CDC14A: variants seen among roughly 807,000 people sequenced by gnomAD.
CDC14A encodes the protein cell division cycle 14A.
Under a neutral mutation model 74.4 loss-of-function variants are expected in CDC14A, and 53 were observed. That is an observed-to-expected ratio of 0.71 (90% CI 0.57 to 0.89). CDC14A has a LOEUF of 0.89. Among genes scored for constraint, CDC14A ranks in the 40% least tolerant of loss-of-function variants. The pLI, the probability that CDC14A is intolerant of heterozygous loss-of-function variation, is 0.00. For synonymous variants in CDC14A, 247 were observed against 258.4 expected (o/e 0.96, Z 0.43); for missense variants, 646 against 713.7 (o/e 0.91, Z 1.08).
At chr1:100,450,640 G>C (rs1352720554) in intron 7 of CDC14A, among the ~76,000 whole-genome samples, 1 of 152,120 alleles carries the variant, frequency 6.6e-6, no homozygotes, top group African/African-American at 2.4e-5. Flanking sequence ...CCTGGCCACC[G>C]CAACTGCAAA....
chr1:100,462,892 G>A lies in CDC14A; in HGVS notation c.838+11G>A. The A allele has an allele frequency of 1.2e-6, 2 of 1,602,010 alleles. No individual in the cohort carries two copies. Among genetic ancestry groups the A allele is most frequent in the Non-Finnish European group, 1.7e-6 (2 of 1,169,200 alleles). On this transcript the variant is annotated intron_variant, in intron 9 of 15. Coordinates refer to ENST00000336454, the MANE Select transcript of CDC14A (RefSeq NM_003672.4). ...CCGTTCACTGCAAAGGTGTGTGCAAGGCCTCGGTGGTGGTGGCTGTGCTTA... is the reference window on the plus strand; with the variant it reads ...CCGTTCACTGCAAAGGTGTGTGCAAAGCCTCGGTGGTGGTGGCTGTGCTTA...
At chr1:100,497,122 A>G (rs573165237) in intron 13 of CDC14A, among the ~76,000 whole-genome samples, 14 of 152,352 alleles carry the variant, frequency 9.2e-5, no homozygotes, top group African/African-American at 3.1e-4. Flanking sequence ...ATGATTTACT[A>G]TGAGAATATA....
intron 4 of CDC14A, among the ~76,000 whole-genome samples, chr1:100,411,633 C>G (rs558548904): frequency 3.9e-5 from 6 of 152,144 alleles, no homozygotes; most frequent in Non-Finnish European, 8.8e-5. Context: ...CTAATAAAAA[C>G]TCTTTCTTCA....
chr1:100,420,061 C>CATATATATATATATATATAT (rs1377818349), intron 4 of CDC14A, among the ~76,000 whole-genome samples: 32 of 61,770 alleles, frequency 5.2e-4, no homozygotes, highest in Admixed American at 1.1e-3. Context: ...CACACACACA[C>CATATATATATATATATATAT]ACATATATAT....
At chr1:100,453,526 T>C (rs746013355) in intron 7 of CDC14A, among the ~76,000 whole-genome samples, 1 of 152,246 alleles carries the variant, frequency 6.6e-6, no homozygotes, top group Non-Finnish European at 1.5e-5. Context: ...TTAATTGCCA[T>C]AATTAGATTC....
intron 4 of CDC14A, among the ~76,000 whole-genome samples, chr1:100,407,661 A>G (rs1477297983): frequency 6.6e-6 from 1 of 152,004 alleles, no homozygotes; most frequent in East Asian, 1.9e-4. Context: ...AGATAATTTG[A>G]CTTCTTCTCT....
intron 4 of CDC14A, chr1:100,393,093 G>T: frequency 3.5e-6 from 5 of 1,441,824 alleles, no homozygotes; most frequent in Non-Finnish European, 4.9e-6. Flanking sequence ...TAATTTGATA[G>T]ATTTCATTTT....
intron 5 of CDC14A, among the ~76,000 whole-genome samples, chr1:100,427,648 G>A (rs964804416): frequency 2.0e-5 from 3 of 152,074 alleles, no homozygotes; most frequent in African/African-American, 4.8e-5. Context: ...TGAGGGCTGT[G>A]GTTGGTTCTT....
chr1:100,389,532 T>C (rs1320972828), intron 3 of CDC14A, among the ~76,000 whole-genome samples: 3 of 152,082 alleles, frequency 2.0e-5, no homozygotes, highest in African/African-American at 7.2e-5. Flanking sequence ...GGAGTGAAGA[T>C]TTCCTGGCTC....
chr1:100,507,513 T>C (rs1409921321), intron 15 of CDC14A, among the ~76,000 whole-genome samples: 1 of 152,094 alleles, frequency 6.6e-6, no homozygotes, highest in Non-Finnish European at 1.5e-5. Context: ...TTGCCCAGGT[T>C]GGTCTCGAAT....
At chr1:100,461,930 T>A (rs1667354430) in intron 8 of CDC14A, among the ~76,000 whole-genome samples, 1 of 152,224 alleles carries the variant, frequency 6.6e-6, no homozygotes, top group Non-Finnish European at 1.5e-5. Context: ...TATCATTTTT[T>A]GTGGTGAGAA....
intron 7 of CDC14A, 48 bp downstream of exon 7, chr1:100,443,044 A>T: frequency 7.8e-7 from 1 of 1,286,690 alleles, no homozygotes; most frequent in Non-Finnish European, 1.1e-6. Context: ...ATGTTGATTA[A>T]TTTTTTCCCC....
Position 100,494,907 on chromosome 1 carries a change from T to C in CDC14A, c.1227T>C (p.Arg409=). ...CCTTAAAAAGTCAGAGACAGCCACG[T>C]ACCTCACCATCCTGTGCATTTAGGT... is the stretch of plus-strand genomic sequence containing the variant. ...LRALKSQRQP[R]TSPSCAFRSD... is the part of the protein sequence containing the mutation. Residue 409 remains arginine (R), a synonymous_variant, in exon 12 of 16, where the codon CGT becomes CGC. Transcript: ENST00000336454. 1.2e-6 allele frequency: 2 copies of C among 1,607,958 alleles called. No homozygotes were observed. Among genetic ancestry groups the C allele is most frequent in the South Asian group, 1.1e-5 (1 of 90,920 alleles).
intron 7 of CDC14A, among the ~76,000 whole-genome samples, chr1:100,448,050 G>T (rs1665748266): frequency 6.6e-6 from 1 of 152,114 alleles, no homozygotes; most frequent in South Asian, 2.1e-4. Context: ...TTCTTAGTTG[G>T]GTTTGGGGGA....
At chr1:100,502,327 A>G (rs1648818997) in intron 15 of CDC14A, among the ~76,000 whole-genome samples, 1 of 152,076 alleles carries the variant, frequency 6.6e-6, no homozygotes, top group Non-Finnish European at 1.5e-5. Context: ...TTTATACCAT[A>G]TTTTTACTGT....
rs1649393102 is a variant in CDC14A, at chr1:100,508,057, C to T, written c.1755+8795C>T. ...ACCTTCTGTTTTATATTTTTCAGTT[C>T]CTAAGCTCTAGCTGTATTCTGATTG... On this transcript the variant is annotated intron_variant, in intron 15 of 15. Coordinates refer to ENST00000336454, the MANE Select transcript of CDC14A (RefSeq NM_003672.4). This position sits in a 1 kb window ranked among gnomAD's most constrained non-coding sequence, Gnocchi z 4.4. Among the ~76,000 whole-genome samples, 1 of 152,114 alleles carries T rather than the reference C, an allele frequency of 6.6e-6. No individual in the cohort carries two copies. The highest frequency in any genetic ancestry group is 2.4e-5 in the African/African-American group (1 of 41,438).
chr1:100,519,366 A>G lies in CDC14A; in HGVS notation c.*1086A>G, dbSNP rs1301193423. ...CTACTATGAAAATGAAAGGACCCTT[A>G]TAGGTACTCACAGCCCTTTCATGTA... On this transcript the variant is annotated 3_prime_UTR_variant, in exon 16 of 16. Transcript: ENST00000336454. The G allele has an allele frequency of 1.3e-5, 2 of 152,162 alleles. No individual in the cohort carries two copies. Among genetic ancestry groups the G allele is most frequent in the South Asian group, 2.1e-4 (1 of 4,836 alleles). The allele number at this position is 152,162 out of a possible 1,614,324, so 9.4% of individuals were successfully genotyped here.
At chr1:100,400,240 T>C (rs1659084955) in intron 4 of CDC14A, among the ~76,000 whole-genome samples, 1 of 152,246 alleles carries the variant, frequency 6.6e-6, no homozygotes, top group South Asian at 2.1e-4. Flanking sequence ...AAGTATATTA[T>C]TTTGCTTATA....
chr1:100,370,788 G>T (rs889882239), intron 2 of CDC14A, among the ~76,000 whole-genome samples: 9 of 152,018 alleles, frequency 5.9e-5, no homozygotes, highest in South Asian at 4.2e-4. Context: ...TTGACTATTT[G>T]GCCTTATTTT....
Sources: allele counts gnomAD v4.1 joint callset (sites outside exome capture counted in the v4.1 genomes callset), GRCh38; gene constraint gnomAD v4.1.1; non-coding constraint Gnocchi (gnomAD v3.1); transcripts MANE v1.5; gene names NCBI Gene and HGNC (gene_info 2026-07-23, HGNC 2026-07-21).